Variants in COBL observed in about 807,000 individuals in gnomAD.
The protein encoded by COBL is protein cordon-bleu.
Under a neutral mutation model 98.8 loss-of-function variants are expected in COBL, and 51 were observed. That is an observed-to-expected ratio of 0.52 (90% confidence interval 0.41 to 0.65). The LOEUF is 0.65. Ranked by LOEUF, COBL falls within the 30% of genes least tolerant of loss-of-function variation. The pLI, the probability that COBL is intolerant of heterozygous loss-of-function variation, is 0.00. For missense variants in COBL, 1,617 were observed against 1,617.5 expected, an observed-to-expected ratio of 1.00 and a Z score of 0.01; for synonymous variants, 634 against 651.7, an observed-to-expected ratio of 0.97 and a Z score of 0.41.
chr7:51,016,676 C>A lies in COBL; in HGVS notation c.*875G>T. On this transcript the variant is annotated 3_prime_UTR_variant, in exon 13 of 13. Coordinates refer to ENST00000265136, the MANE Select transcript of COBL (RefSeq NM_015198.5). ...TCTTGACAGGTGGGCATCCAACATC[C>A]CTGCTCCTTGACCCTCTGCAGGATT... 1.2e-5 allele frequency: 4 copies of A among 339,954 alleles called. No homozygotes were observed. Among genetic ancestry groups the A allele is most frequent in the Non-Finnish European group, 1.6e-5 (3 of 188,970 alleles). 21.1% of individuals were successfully genotyped at this position (339,954 alleles called of 1,614,324 possible).
At position 51,028,935 on chromosome 7, in the gene COBL, C is replaced by G. The variant is rs141355954; in HGVS notation, c.2161G>C (p.Asp721His). 5.5e-5 allele frequency: 89 copies of G among 1,614,170 alleles called. No individual in the cohort carries two copies. In the East Asian group the frequency reaches 9.8e-4, roughly 18 times the overall value. The change falls in exon 10 of 13, where the codon GAC becomes CAC. Residue 721 changes from aspartate (D) to histidine (H), a missense_variant. Asp to His is a moderately conservative substitution (Grantham distance 81). Transcript: ENST00000265136. ...IPPKSEMRCY[D>H]RDVSLSTGAI... is the part of the protein sequence containing the mutation. ...CCGGTGGAGAGGGACACATCTCTGTCGTAACATCGCATCTCTGACTTTGGA... is the reference window on the plus strand; with the variant it reads ...CCGGTGGAGAGGGACACATCTCTGTGGTAACATCGCATCTCTGACTTTGGA...
chr7:51,214,514 C>T (rs1792830938), intron 2 of COBL, among the ~76,000 whole-genome samples: 1 of 152,034 alleles, frequency 6.6e-6, no homozygotes, highest in African/African-American at 2.4e-5. Context: ...GTAACTGTGA[C>T]CTTTCTTAAT....
Position 51,085,324 on chromosome 7 carries a change from A to G in COBL, c.958-20T>C. The G allele has an allele frequency of 7.6e-7, 1 of 1,310,516 alleles. No individual in the cohort carries two copies. Among genetic ancestry groups the G allele is most frequent in the Non-Finnish European group, 1.0e-6 (1 of 958,846 alleles). The allele number at this position is 1,310,516 out of a possible 1,614,324, so 81.2% of individuals were successfully genotyped here. On this transcript the variant is annotated intron_variant, in intron 6 of 12. Coordinates refer to ENST00000265136, the MANE Select transcript of COBL (RefSeq NM_015198.5). Reference sequence around the variant, plus strand: ...AGATACCTATGAAGTACAAAGAAGGAAAGTACAATCAAAGTACTTTGTACC... The same window carrying G: ...AGATACCTATGAAGTACAAAGAAGGGAAGTACAATCAAAGTACTTTGTACC...
Position 51,241,500 on chromosome 7 carries a change from C to T in COBL, c.42-21556G>A, listed in dbSNP as rs141302598. On this transcript the variant is annotated intron_variant, in intron 1 of 12. Transcript: ENST00000265136. ...ATCCCATTAAGAAACCAATGCTCCT[C>T]GGCCGTTCCCACGATCACCGATTAA... Among the ~76,000 whole-genome samples, 11 of 152,286 alleles carry T rather than the reference C, an allele frequency of 7.2e-5. No individual in the cohort carries two copies. The East Asian group carries it at 1.2e-3, about 16-fold the overall frequency.
At chr7:51,311,063 T>A (rs1802985042) in intron 1 of COBL, among the ~76,000 whole-genome samples, 1 of 152,184 alleles carries the variant, frequency 6.6e-6, no homozygotes, top group African/African-American at 2.4e-5. Flanking sequence ...GGGAACTGGA[T>A]CTACAAAAGT....
At chr7:51,081,123 C>CT (rs1386065215) in intron 7 of COBL, among the ~76,000 whole-genome samples, 2 of 152,112 alleles carry the variant, frequency 1.3e-5, no homozygotes, top group Admixed American at 6.5e-5. Context: ...AGGGGAGACT[C>CT]TGAGTCCCAA....
At chr7:51,225,985 C>T (rs980604968) in intron 1 of COBL, among the ~76,000 whole-genome samples, 8 of 152,226 alleles carry the variant, frequency 5.3e-5, no homozygotes, top group South Asian at 2.1e-4. Flanking sequence ...AAAATTCATG[C>T]GTCTCTGTAC....
chr7:51,268,027 C>T (rs548057851), intron 1 of COBL, among the ~76,000 whole-genome samples: 1 of 152,150 alleles, frequency 6.6e-6, no homozygotes, highest in Non-Finnish European at 1.5e-5. Context: ...AAGATCCCTG[C>T]CCTGGTATCT....
At position 51,279,777 on chromosome 7, in the gene COBL, G is replaced by C. The variant is rs1799647720; in HGVS notation, c.41+36816C>G. Reference sequence around the variant, plus strand: ...ATTTCCCTAAAAATCCTCTGTTCCTGCTCTTTCCCCCTCCTGACCCCTGGC... The same window carrying C: ...ATTTCCCTAAAAATCCTCTGTTCCTCCTCTTTCCCCCTCCTGACCCCTGGC... On this transcript the variant is annotated intron_variant, in intron 1 of 12. Transcript: ENST00000265136. Among the ~76,000 whole-genome samples the C allele has an allele frequency of 2.0e-5, 3 of 152,104 alleles. No individual in the cohort carries two copies. In the South Asian group the frequency reaches 6.2e-4, roughly 32 times the overall value.
chr7:51,028,942 T>C lies in COBL; in HGVS notation c.2154A>G (p.Arg718=). ...AGAGGGACACATCTCTGTCGTAACA[T>C]CGCATCTCTGACTTTGGAGGAATGA... ...YKIIPPKSEM[R]CYDRDVSLST... Residue 718 remains arginine (R), a synonymous_variant, in exon 10 of 13, where the codon CGA becomes CGG. Transcript: ENST00000265136. The C allele has an allele frequency of 6.2e-7, 1 of 1,614,182 alleles. No homozygotes were observed. Among genetic ancestry groups the C allele is most frequent in the Non-Finnish European group, 8.5e-7 (1 of 1,180,034 alleles).
intron 6 of COBL, among the ~76,000 whole-genome samples, chr7:51,088,343 C>CA (rs1794479852): frequency 1.9e-5 from 2 of 105,146 alleles, no homozygotes; most frequent in African/African-American, 7.8e-5. Flanking sequence ...TTCTGATTTC[C>CA]CCCCCTCTTG....
chr7:51,018,750 G>A (rs1334138998), intron 12 of COBL, among the ~76,000 whole-genome samples: 1 of 150,606 alleles, frequency 6.6e-6, no homozygotes, highest in African/African-American at 2.4e-5. Flanking sequence ...AAATTAGCTG[G>A]GCATGATGGC....
intron 6 of COBL, among the ~76,000 whole-genome samples, chr7:51,125,946 A>G (rs1375374250): frequency 2.0e-5 from 3 of 152,194 alleles, no homozygotes; most frequent in African/African-American, 7.2e-5. Context: ...TGTAATTTCT[A>G]TATCGTTTAA....
chr7:51,032,212 G>A (rs1788231987), intron 8 of COBL: 1 of 152,166 alleles, frequency 6.6e-6, no homozygotes, highest in Non-Finnish European at 1.5e-5. Context: ...TAATAATGTG[G>A]CCCCTGTGGC....
chr7:51,208,927 C>A (rs1234284729), intron 2 of COBL, among the ~76,000 whole-genome samples: 2 of 151,860 alleles, frequency 1.3e-5, no homozygotes, highest in African/African-American at 4.8e-5. Flanking sequence ...GCCGCAGGGT[C>A]CTCTGCCTAG....
rs1182278994 is a variant in COBL, at chr7:51,028,565, AC to A, written c.2530del (p.Val844Ter). 10 of 1,614,200 alleles carry A rather than the reference AC, an allele frequency of 6.2e-6. No homozygotes were observed. Among genetic ancestry groups the A allele is most frequent in the Non-Finnish European group, 8.5e-6 (10 of 1,180,036 alleles). ...NQPPTMGMGHVRVPAAHTTEV... is the reference protein window; with the variant it reads ...NQPPTMGMGHXRVPAAHTTEV... ...TGTGGTGTGAGCTGCTGGCACCCTC[AC>A]GTGACCCATGCCCATGGTGGGGGGC... On this transcript the variant is annotated frameshift_variant, in exon 10 of 13. Transcript: ENST00000265136. LOFTEE classifies it high-confidence loss of function.
intron 1 of COBL, among the ~76,000 whole-genome samples, chr7:51,278,443 G>A (rs1327638358): frequency 1.3e-5 from 2 of 148,966 alleles, no homozygotes; most frequent in African/African-American, 2.5e-5. Flanking sequence ...GCAATGGCGC[G>A]ATCTCGGCTC....
intron 6 of COBL, among the ~76,000 whole-genome samples, chr7:51,125,612 C>G (rs1798122483): frequency 6.6e-6 from 1 of 152,126 alleles, no homozygotes; most frequent in African/African-American, 2.4e-5. Context: ...CTCTCTGTGC[C>G]CTATCACCTA....
intron 12 of COBL, among the ~76,000 whole-genome samples, chr7:51,023,325 T>C (rs529173592): frequency 1.6e-4 from 25 of 152,210 alleles, no homozygotes; most frequent in Non-Finnish European, 3.1e-4. Context: ...GCCCCTATCC[T>C]GAGGAGATGG....
Sources: allele counts gnomAD v4.1 joint callset (sites outside exome capture counted in the v4.1 genomes callset), GRCh38; gene constraint gnomAD v4.1.1; transcripts MANE v1.5; gene names NCBI Gene and HGNC (gene_info 2026-07-23, HGNC 2026-07-21).